FAM217B: variants seen among roughly 807,000 people sequenced by gnomAD.
The protein encoded by FAM217B is protein FAM217B.
For synonymous variants in FAM217B, 163 were observed against 173.0 expected (o/e 0.94, Z 0.45); for missense variants, 463 against 456.9 (o/e 1.01, Z -0.12).
upstream of FAM217B, chr20:59,939,228 A>C (rs2060881920): frequency 6.2e-7 from 1 of 1,610,566 alleles, no homozygotes; most frequent in South Asian, 1.1e-5. Flanking sequence ...GAAGGTGAAA[A>C]CGTCCTCCGT....
At chr20:59,941,114 C>A (rs962671294) in intron 1 of FAM217B, among the ~76,000 whole-genome samples, 1 of 152,184 alleles carries the variant, frequency 6.6e-6, no homozygotes, top group Non-Finnish European at 1.5e-5. Flanking sequence ...TGTCTCTCAC[C>A]CGGTAGCTTT....
At chr20:59,943,800 T>C in intron 3 of FAM217B, 140 bp from the exon 4 acceptor site, 2 of 660,244 alleles carry the variant, frequency 3.0e-6, no homozygotes, top group East Asian at 5.6e-5. Context: ...TTTAAGGAGT[T>C]TGGAAGCTGA....
At chr20:59,943,665 G>A (rs2060917897) in intron 3 of FAM217B, among the ~76,000 whole-genome samples, 1 of 151,822 alleles carries the variant, frequency 6.6e-6, no homozygotes, top group African/African-American at 2.4e-5. Flanking sequence ...AAATGTTAAT[G>A]TTTTTCCTAA....
chr20:59,945,116 C>A lies in FAM217B; in HGVS notation c.*21C>A. 6.6e-7 allele frequency: 1 copy of A among 1,525,774 alleles called. No homozygotes were observed. The allele number at this position is 1,525,774 out of a possible 1,614,324, so 94.5% of individuals were successfully genotyped here. On this transcript the variant is annotated 3_prime_UTR_variant, in exon 4 of 4. Transcript: ENST00000360816. ...AATAAATATCTAAAATGCTGAATTG[C>A]CAAGACCTGCAGGTACCTCAATGTT...
chr20:59,944,079 G>T lies in FAM217B; in HGVS notation c.136G>T (p.Glu46Ter). The change falls in exon 4 of 4, where the codon GAA (glutamate) becomes TAA (stop). Residue 46 changes from glutamate (E) to a stop codon, truncating the protein, a stop_gained. Transcript: ENST00000360816. LOFTEE classifies it low-confidence loss of function (END_TRUNC). ...CACAGCTGTCACCCAGCCTACTGAA[G>T]AAAAACTTAAAGAAAGCATTTCCCC... ...SLTAVTQPTE[E>*]KLKESISPEA... 6.2e-7 allele frequency: 1 copy of T among 1,614,134 alleles called. No homozygotes were observed.
rs528919625 is a variant in FAM217B at position 59,945,429 on chromosome 20, G to A, written c.*334G>A. On this transcript the variant is annotated 3_prime_UTR_variant, in exon 4 of 4. Coordinates refer to ENST00000360816, the MANE Select transcript of FAM217B (RefSeq NM_022106.3). ...AGCTACAGTAGCCGGTCTGTGTAGA[G>A]CAGCTAGTGGTGTTACCTCCCCATT... 2.2e-5 allele frequency: 5 copies of A among 224,958 alleles called. No individual in the cohort carries two copies. In the South Asian group the frequency reaches 4.0e-4, roughly 18 times the overall value. The allele number at this position is 224,958 out of a possible 1,614,324, so 13.9% of individuals were successfully genotyped here.
intron 3 of FAM217B, among the ~76,000 whole-genome samples, chr20:59,942,765 G>A (rs1344935900): frequency 1.3e-5 from 2 of 152,024 alleles, no homozygotes; most frequent in African/African-American, 2.4e-5. Flanking sequence ...TTCTATGTTA[G>A]TTTCCTTTTA....
In FAM217B at chr20:59,948,562, T is replaced by C. The variant is rs2060951347; in HGVS notation, c.*3467T>C. The C allele has an allele frequency of 6.0e-6, 1 of 167,070 alleles. No homozygotes were observed. The highest frequency in any genetic ancestry group is 1.5e-5 in the Non-Finnish European group (1 of 68,116). 10.3% of individuals were successfully genotyped at this position (167,070 alleles called of 1,614,324 possible). On this transcript the variant is annotated 3_prime_UTR_variant, in exon 4 of 4. Coordinates refer to ENST00000360816, the MANE Select transcript of FAM217B (RefSeq NM_022106.3). Reference sequence around the variant, plus strand: ...TTGAAAATATTCAGCATGTTTGTTATTTGCTGTTATATTGTATGTTTAGTT... The same window carrying C: ...TTGAAAATATTCAGCATGTTTGTTACTTGCTGTTATATTGTATGTTTAGTT...
chr20:59,936,917 G>C (rs1361522173), upstream of FAM217B: 2 of 152,570 alleles, frequency 1.3e-5, no homozygotes, highest in African/African-American at 2.4e-5. Flanking sequence ...GGACAACCCA[G>C]CAATTGCACA....
rs925317443 is a variant in FAM217B at position 59,948,408 on chromosome 20, C to G, written c.*3313C>G. Reference sequence around the variant, plus strand: ...ATCTGATATGGATATCGTCTACTTCCTCATTCCTTTATGCTCACTTATGGA... The same window carrying G: ...ATCTGATATGGATATCGTCTACTTCGTCATTCCTTTATGCTCACTTATGGA... On this transcript the variant is annotated 3_prime_UTR_variant, in exon 4 of 4. Transcript: ENST00000360816. 1.2e-5 allele frequency: 2 copies of G among 166,902 alleles called. No homozygotes were observed. The highest frequency in any genetic ancestry group is 2.4e-5 in the African/African-American group (1 of 41,402). 10.3% of individuals were successfully genotyped at this position (166,902 alleles called of 1,614,324 possible).
Position 59,948,117 on chromosome 20 carries a change from A to G in FAM217B, c.*3022A>G, listed in dbSNP as rs760495890. 1 of 166,062 alleles carries G rather than the reference A, an allele frequency of 6.0e-6. No individual in the cohort carries two copies. Among genetic ancestry groups the G allele is most frequent in the Non-Finnish European group, 1.5e-5 (1 of 68,102 alleles). 10.3% of individuals were successfully genotyped at this position (166,062 alleles called of 1,614,324 possible). A position where few individuals can be genotyped will look rare whatever the true frequency, so the allele number is the denominator to read the frequency against. On this transcript the variant is annotated 3_prime_UTR_variant, in exon 4 of 4. Transcript: ENST00000360816. ...TCTAATGGAAAAAATGTAAAAAAGT[A>G]CAAAAATGAACTAAAAGTATATCAG...
In FAM217B at chr20:59,945,781, A is replaced by C. The variant is rs2060933933; in HGVS notation, c.*686A>C. The stretch of plus-strand genomic sequence containing the variant: ...CATTTTAAACTTAGAGGTGGTGGTA[A>C]AACCTACTTTTGAGTTCTCCGAACT... On this transcript the variant is annotated 3_prime_UTR_variant, in exon 4 of 4. Transcript: ENST00000360816. 1.2e-5 allele frequency: 2 copies of C among 166,926 alleles called. No individual in the cohort carries two copies. The highest frequency in any genetic ancestry group is 4.8e-5 in the African/African-American group (2 of 41,406). 10.3% of individuals were successfully genotyped at this position (166,926 alleles called of 1,614,324 possible).
Position 59,944,665 on chromosome 20 carries a change from C to T in FAM217B, c.722C>T (p.Ala241Val). 1 of 1,614,126 alleles carries T rather than the reference C, an allele frequency of 6.2e-7. No individual in the cohort carries two copies. Among genetic ancestry groups the T allele is most frequent in the Non-Finnish European group, 8.5e-7 (1 of 1,180,020 alleles). The change falls in exon 4 of 4, where the codon GCT becomes GTT. Residue 241 changes from alanine to valine, a missense_variant. By Grantham distance (64) the Ala-to-Val change is moderately conservative. Transcript: ENST00000360816. ...LSKPLPHQEGASKSGPSRKKA... is the reference protein window; with the variant it reads ...LSKPLPHQEGVSKSGPSRKKA... ...AAGCCACTACCTCACCAGGAAGGGG[C>T]TTCAAAGTCAGGCCCTTCCCGAAAG...
chr20:59,945,037 C>G lies in FAM217B; in HGVS notation c.1094C>G (p.Ser365Trp). Residue 365 changes from serine (S) to tryptophan (W), a missense_variant, in exon 4 of 4, where the codon TCG becomes TGG. Physicochemically the swap from Ser to Trp is radical, Grantham distance 177. Transcript: ENST00000360816. ...KAESCGHATVSSEKKLKTNGV... is the reference protein window; with the variant it reads ...KAESCGHATVWSEKKLKTNGV... ...GAGAGCTGTGGTCATGCCACTGTAT[C>G]GAGTGAGAAAAAACTGAAAACAAAC... is the stretch of plus-strand genomic sequence containing the variant. 6.2e-7 allele frequency: 1 copy of G among 1,605,644 alleles called. No homozygotes were observed. The highest frequency in any genetic ancestry group is 8.5e-7 in the Non-Finnish European group (1 of 1,177,794).
chr20:59,935,068 C>G (rs1011187464), intron 1 of FAM217B, among the ~76,000 whole-genome samples: 1 of 152,170 alleles, frequency 6.6e-6, no homozygotes, highest in Non-Finnish European at 1.5e-5. Flanking sequence ...TCAAAGCTTT[C>G]AATGCTTTTG....
Position 59,948,542 on chromosome 20 carries a change from A to G in FAM217B, c.*3447A>G, listed in dbSNP as rs1441096772. ...AGGACACCATTCAAAATGGCTTGAA[A>G]ATATTCAGCATGTTTGTTATTTGCT... On this transcript the variant is annotated 3_prime_UTR_variant, in exon 4 of 4. Coordinates refer to ENST00000360816, the MANE Select transcript of FAM217B (RefSeq NM_022106.3). 1 of 167,048 alleles carries G rather than the reference A, an allele frequency of 6.0e-6. No individual in the cohort carries two copies. Among genetic ancestry groups the G allele is most frequent in the Non-Finnish European group, 1.5e-5 (1 of 68,116 alleles). 10.3% of individuals were successfully genotyped at this position (167,048 alleles called of 1,614,324 possible). A position where few individuals can be genotyped will look rare whatever the true frequency, so the allele number is the denominator to read the frequency against.
chr20:59,939,926 G>A (rs977010808), upstream of FAM217B: 15 of 1,261,882 alleles, frequency 1.2e-5, no homozygotes, highest in African/African-American at 1.7e-4. Context: ...TCGGGCCTCT[G>A]GACATGGCCC....
At position 59,946,432 on chromosome 20, in the gene FAM217B, A is replaced by C. The variant is rs1158946185; in HGVS notation, c.*1337A>C. The stretch of plus-strand genomic sequence containing the variant: ...TGGCATTTTTCATTTGGGAACATAT[A>C]ATAGCTTGTAAACTTTTCAGACAGC... On this transcript the variant is annotated 3_prime_UTR_variant, in exon 4 of 4. Coordinates refer to ENST00000360816, the MANE Select transcript of FAM217B (RefSeq NM_022106.3). 1.2e-5 allele frequency: 2 copies of C among 166,966 alleles called. No individual in the cohort carries two copies. Among genetic ancestry groups the C allele is most frequent in the Non-Finnish European group, 2.9e-5 (2 of 68,118 alleles). The allele number at this position is 166,966 out of a possible 1,614,324, so 10.3% of individuals were successfully genotyped here.
intron 1 of FAM217B, among the ~76,000 whole-genome samples, chr20:59,934,064 C>T (rs1009514458): frequency 6.6e-6 from 1 of 152,138 alleles, no homozygotes; most frequent in Non-Finnish European, 1.5e-5. Flanking sequence ...CTATGCGTCC[C>T]CAGAGCCACT....
Sources: allele counts gnomAD v4.1 joint callset (sites outside exome capture counted in the v4.1 genomes callset), GRCh38; gene constraint gnomAD v4.1.1; transcripts MANE v1.5; gene names NCBI Gene and HGNC (gene_info 2026-07-23, HGNC 2026-07-21).